ANKRD34B: variants seen among roughly 807,000 people sequenced by gnomAD.
ANKRD34B encodes ankyrin repeat domain 34B.
In ANKRD34B, 2 loss-of-function variants were observed where a neutral mutation model predicts 4.4. That is an observed-to-expected ratio of 0.46 (90% CI 0.19 to 1.44). ANKRD34B has a LOEUF of 1.44. Ranked by LOEUF, ANKRD34B falls within the 40% of genes most tolerant of loss-of-function variation. ANKRD34B has a pLI of 0.26. For missense variants in ANKRD34B, 558 were observed against 604.7 expected, an observed-to-expected ratio of 0.92 and a Z score of 0.81; for synonymous variants, 226 against 227.1, an observed-to-expected ratio of 0.99 and a Z score of 0.05.
At chr5:80,567,422 A>C (rs1746601465) in intron 2 of ANKRD34B, among the ~76,000 whole-genome samples, 1 of 151,584 alleles carries the variant, frequency 6.6e-6, no homozygotes, top group Non-Finnish European at 1.5e-5. Context: ...AGAGTTTGAG[A>C]CCAGCCTGGA....
At chr5:80,568,917 CACACACACAGAGAG>C (rs1746656655) in intron 2 of ANKRD34B, 29 bp downstream of exon 2, 3 of 100,184 alleles carry the variant, frequency 3.0e-5, no homozygotes, top group African/African-American at 1.0e-4. Context: ...CACACACACA[CACACACACAGAGAG>C]AGAGAGAGAG....
Position 80,559,731 on chromosome 5 carries a change from CA to C in ANKRD34B, c.288del (p.Gly97AlafsTer30). 1 of 1,614,198 alleles carries C rather than the reference CA, an allele frequency of 6.2e-7. No individual in the cohort carries two copies. Among genetic ancestry groups the C allele is most frequent in the Non-Finnish European group, 8.5e-7 (1 of 1,180,038 alleles). On this transcript the variant is annotated frameshift_variant, in exon 5 of 5. Coordinates refer to ENST00000338682, the MANE Select transcript of ANKRD34B (RefSeq NM_001004441.3). LOFTEE classifies it low-confidence loss of function (END_TRUNC). ...AGGAGCAAGGAAACAACTTCAGGGC[CA>C]GCTTTTTCTAAGCAAGCATGCATCA... ...TALMHACLEK[A>X]GPEVVSLLLK...
chr5:80,558,949 ACTT>A lies in ANKRD34B; in HGVS notation c.1068_1070del (p.Arg356del), dbSNP rs1337917722. On this transcript the variant is annotated inframe_deletion, in exon 5 of 5. Coordinates refer to ENST00000338682, the MANE Select transcript of ANKRD34B (RefSeq NM_001004441.3). ...CCCCCAAGTTTCTTTTTTGAACTAT[ACTT>A]CTTAAGGTGGAAGCAAATATTGTCT... The A allele has an allele frequency of 9.9e-6, 16 of 1,614,030 alleles. No homozygotes were observed. The highest frequency in any genetic ancestry group is 1.4e-5 in the Non-Finnish European group (16 of 1,180,040).
chr5:80,558,958 G>A lies in ANKRD34B; in HGVS notation c.1062C>T (p.Thr354=). 1 of 1,614,164 alleles carries A rather than the reference G, an allele frequency of 6.2e-7. No individual in the cohort carries two copies. The highest frequency in any genetic ancestry group is 8.5e-7 in the Non-Finnish European group (1 of 1,180,038). ...TTCTTTTTTGAACTATACTTCTTAA[G>A]GTGGAAGCAAATATTGTCTGGTTAG... ...PDSNQTIFAS[T]LRSIVQKRNL... is the part of the protein sequence containing the mutation. Residue 354 remains threonine (T), a synonymous_variant, in exon 5 of 5, where the codon ACC becomes ACT. Coordinates refer to ENST00000338682, the MANE Select transcript of ANKRD34B (RefSeq NM_001004441.3).
At chr5:80,561,193 C>T (rs1746395060) in intron 4 of ANKRD34B, among the ~76,000 whole-genome samples, 1 of 152,126 alleles carries the variant, frequency 6.6e-6, no homozygotes, top group Non-Finnish European at 1.5e-5. Context: ...ATTCCTTCAA[C>T]AGATAATTCC....
At chr5:80,562,637 C>T (rs1013232255) in intron 4 of ANKRD34B, among the ~76,000 whole-genome samples, 9 of 152,148 alleles carry the variant, frequency 5.9e-5, no homozygotes, top group Admixed American at 3.3e-4. Context: ...CCACCCAGGT[C>T]GTACTTACAT....
Position 80,558,712 on chromosome 5 carries a change from A to C in ANKRD34B, c.1308T>G (p.Pro436=). Residue 436 remains proline, a synonymous_variant, in exon 5 of 5, where the codon CCT becomes CCG. Coordinates refer to ENST00000338682, the MANE Select transcript of ANKRD34B (RefSeq NM_001004441.3). ...TGGTTTGGGTAACACTGTGATCTAAAGGGAAAGCTCCTGAACCTCGCCTTT... is the reference window on the plus strand; with the variant it reads ...TGGTTTGGGTAACACTGTGATCTAACGGGAAAGCTCCTGAACCTCGCCTTT... ...VLERRGSGAF[P]LDHSVTQTRQ... 1 of 1,614,190 alleles carries C rather than the reference A, an allele frequency of 6.2e-7. No homozygotes were observed. Among genetic ancestry groups the C allele is most frequent in the Non-Finnish European group, 8.5e-7 (1 of 1,180,034 alleles).
Position 80,559,028 on chromosome 5 carries a change from C to G in ANKRD34B, c.992G>C (p.Gly331Ala). The change falls in exon 5 of 5, where the codon GGA (glycine) becomes GCA (alanine). Residue 331 changes from glycine to alanine, a missense_variant. Transcript: ENST00000338682. ...EINCQSYLSEGNQQCIEVPVD... is the reference protein window; with the variant it reads ...EINCQSYLSEANQQCIEVPVD... Reference sequence around the variant, plus strand: ...AGGGACTTCAATGCATTGCTGATTTCCTTCTGAAAGATAAGATTGACAATT... The same window carrying G: ...AGGGACTTCAATGCATTGCTGATTTGCTTCTGAAAGATAAGATTGACAATT... 1 of 1,614,166 alleles carries G rather than the reference C, an allele frequency of 6.2e-7. No homozygotes were observed. The highest frequency in any genetic ancestry group is 8.5e-7 in the Non-Finnish European group (1 of 1,180,040).
In ANKRD34B at chr5:80,567,621, C is replaced by CAA. The variant is rs111603222; in HGVS notation, c.-190-849_-190-848dup. On this transcript the variant is annotated intron_variant, in intron 2 of 4. Transcript: ENST00000338682. ...GGGTGACAAAAGCAAGACTCCGTCTCAAAAAAAAAAAAAAAGAAAAGAAAA... is the reference window on the plus strand; with the variant it reads ...GGGTGACAAAAGCAAGACTCCGTCTCAAAAAAAAAAAAAAAAAGAAAAGAAAA... Among the ~76,000 whole-genome samples the CAA allele has an allele frequency of 2.7e-3, 138 of 50,512 alleles. 5 individuals carry two copies. The East Asian group carries it at 0.077, about 28-fold the overall frequency. 33.1% of individuals were successfully genotyped at this position (50,512 alleles called of 152,430 possible). A position where few individuals can be genotyped will look rare whatever the true frequency, so the allele number is the denominator to read the frequency against.
chr5:80,559,650 A>G lies in ANKRD34B; in HGVS notation c.370T>C (p.Tyr124His), dbSNP rs772456899. 5 of 1,614,108 alleles carry G rather than the reference A, an allele frequency of 3.1e-6. No individual in the cohort carries two copies. In the South Asian group the frequency reaches 5.5e-5, roughly 18 times the overall value. Residue 124 changes from tyrosine (Y) to histidine (H), a missense_variant, in exon 5 of 5, where the codon TAT becomes CAT. By Grantham distance (83) the Tyr-to-His change is moderately conservative. Coordinates refer to ENST00000338682, the MANE Select transcript of ANKRD34B (RefSeq NM_001004441.3). ...QDHSSYSALV[Y>H]AINSEDTETL... ...TCTGTATCTTCTGAATTTATAGCAT[A>G]AACAAGAGCTGAGTAACTAGAATGG... is the stretch of plus-strand genomic sequence containing the variant.
At chr5:80,568,925 C>CACACACACACACACACACACACACAG in intron 2 of ANKRD34B, 35 bp downstream of exon 2, 1 of 49,896 alleles carries the variant, frequency 2.0e-5, no homozygotes, top group African/African-American at 6.7e-5. Flanking sequence ...CACACACACA[C>CACACACACACACACACACACACACAG]AGAGAGAGAG....
intron 3 of ANKRD34B, among the ~76,000 whole-genome samples, chr5:80,565,787 G>C (rs1001506431): frequency 3.9e-5 from 6 of 151,948 alleles, no homozygotes; most frequent in Admixed American, 3.9e-4. Flanking sequence ...ATATTTCTAA[G>C]ATGCTATGCT....
rs759609835 is a variant in ANKRD34B, at chr5:80,558,857, T to A, written c.1163A>T (p.Lys388Ile). ...GATCTTTTTCTTTCCTATAAGTGCT[T>A]TGCCGTCTTCTGAAGTTGGAGGGGT... ...GLTPPTSEDGKALIGKKKILS... is the reference protein window; with the variant it reads ...GLTPPTSEDGIALIGKKKILS... Residue 388 changes from lysine to isoleucine, a missense_variant, in exon 5 of 5, where the codon AAA becomes ATA. Transcript: ENST00000338682. 3.7e-6 allele frequency: 6 copies of A among 1,613,886 alleles called. No homozygotes were observed. Among genetic ancestry groups the A allele is most frequent in the Non-Finnish European group, 5.1e-6 (6 of 1,180,016 alleles).
chr5:80,570,117 C>T (rs1042967358), intron 1 of ANKRD34B, 37 bp downstream of exon 1: 1 of 152,452 alleles, frequency 6.6e-6, no homozygotes, highest in African/African-American at 2.4e-5. Flanking sequence ...CCAAAGTTTC[C>T]CAAGTGCAGC....
At chr5:80,567,123 T>A (rs891409158) in intron 2 of ANKRD34B, among the ~76,000 whole-genome samples, 10 of 152,158 alleles carry the variant, frequency 6.6e-5, no homozygotes, top group Non-Finnish European at 1.5e-5. Flanking sequence ...CAATTACATG[T>A]TTGTGTCCTT....
At position 80,570,228 on chromosome 5, in the gene ANKRD34B, T is replaced by C. The variant is rs185239699; in HGVS notation, c.-413A>G. ...CACTGCCCGACCCTCTGTGCGGCCCTAGGGCGCCGTCTGAGCTGAGCTGTG... is the reference window on the plus strand; with the variant it reads ...CACTGCCCGACCCTCTGTGCGGCCCCAGGGCGCCGTCTGAGCTGAGCTGTG... On this transcript the variant is annotated 5_prime_UTR_variant, in exon 1 of 5. Coordinates refer to ENST00000338682, the MANE Select transcript of ANKRD34B (RefSeq NM_001004441.3). 5.9e-5 allele frequency: 9 copies of C among 152,404 alleles called. 1 individual carries two copies. The highest frequency in any genetic ancestry group is 1.2e-4 in the Non-Finnish European group (8 of 68,096). The allele number at this position is 152,404 out of a possible 1,614,324, so 9.4% of individuals were successfully genotyped here. A position where few individuals can be genotyped will look rare whatever the true frequency, so the allele number is the denominator to read the frequency against.
Position 80,559,554 on chromosome 5 carries a change from A to C in ANKRD34B, c.466T>G (p.Leu156Val). ...TTAGTAGTATGCTTCCCACAGGGCA[A>C]CTTTGCTGTTGTGATGATGATGACC... Reference protein sequence around the residue: ...KEVIIITTAKLPCGKHTTKQY... With the variant: ...KEVIIITTAKVPCGKHTTKQY... The change falls in exon 5 of 5, where the codon TTG becomes GTG. Residue 156 changes from leucine to valine, a missense_variant. Coordinates refer to ENST00000338682, the MANE Select transcript of ANKRD34B (RefSeq NM_001004441.3). The C allele has an allele frequency of 6.2e-7, 1 of 1,614,152 alleles. No homozygotes were observed. The highest frequency in any genetic ancestry group is 1.7e-5 in the Admixed American group (1 of 60,016).
Position 80,558,454 on chromosome 5 carries a change from G to T in ANKRD34B, c.*21C>A, listed in dbSNP as rs1316602541. The T allele has an allele frequency of 1.3e-6, 2 of 1,484,096 alleles. No individual in the cohort carries two copies. Among genetic ancestry groups the T allele is most frequent in the South Asian group, 1.2e-5 (1 of 82,108 alleles). 91.9% of individuals were successfully genotyped at this position (1,484,096 alleles called of 1,614,324 possible). On this transcript the variant is annotated 3_prime_UTR_variant, in exon 5 of 5. Transcript: ENST00000338682. ...TTCTCTGATATAAACATTTGAAGAAGATGTGTTTTATACCCATCTCCTAGA... is the reference window on the plus strand; with the variant it reads ...TTCTCTGATATAAACATTTGAAGAATATGTGTTTTATACCCATCTCCTAGA...
intron 4 of ANKRD34B, among the ~76,000 whole-genome samples, chr5:80,562,052 CGTGTGTGTGTGTGTGTGTGTGTGTGTGT>C (rs56934964): frequency 3.1e-5 from 4 of 128,334 alleles, no homozygotes; most frequent in African/African-American, 8.9e-5. Context: ...ACTGACTCAG[CGTGTGTGTGTGTGTGTGTGTGTGTGTGT>C]GTGTGTGTGT....
Sources: allele counts gnomAD v4.1 joint callset (sites outside exome capture counted in the v4.1 genomes callset), GRCh38; gene constraint gnomAD v4.1.1; transcripts MANE v1.5; gene names NCBI Gene and HGNC (gene_info 2026-07-23, HGNC 2026-07-21).